Variants in KANSL1 observed in about 807,000 individuals in gnomAD.
KANSL1 encodes the protein KAT8 regulatory NSL complex subunit 1.
In KANSL1, 22 loss-of-function variants were observed where a neutral mutation model predicts 103.6. That is an observed-to-expected ratio of 0.21 (90% CI 0.15 to 0.30). KANSL1 has a LOEUF of 0.30. Ranked by LOEUF, KANSL1 falls within the 10% of genes least tolerant of loss-of-function variation. KANSL1 has a pLI of 1.00. For synonymous variants in KANSL1, 600 were observed against 527.6 expected, an observed-to-expected ratio of 1.14 and a Z score of -1.88; for missense variants, 1,337 against 1,399.8, an observed-to-expected ratio of 0.96 and a Z score of 0.72.
chr17:46,164,941 A>G (rs1262574126), intron 2 of KANSL1, among the ~76,000 whole-genome samples: 2 of 152,182 alleles, frequency 1.3e-5, no homozygotes, highest in African/African-American at 4.8e-5. Context: ...TTATGAAATG[A>G]TAAAGAGTAG....
At chr17:46,180,648 T>C (rs1182538824) in intron 1 of KANSL1, among the ~76,000 whole-genome samples, 1 of 152,182 alleles carries the variant, frequency 6.6e-6, no homozygotes, top group Non-Finnish European at 1.5e-5. Context: ...ATTGAGCCAC[T>C]GCATTTCAGC....
chr17:46,180,076 A>T (rs2046712033), intron 1 of KANSL1, among the ~76,000 whole-genome samples: 1 of 152,052 alleles, frequency 6.6e-6, no homozygotes, highest in Non-Finnish European at 1.5e-5. Flanking sequence ...AAAAAAAAAA[A>T]AAATTAACAA....
At chr17:46,049,088 A>G (rs1044858660) in intron 7 of KANSL1, among the ~76,000 whole-genome samples, 8 of 148,736 alleles carry the variant, frequency 5.4e-5, no homozygotes, top group African/African-American at 1.8e-4. Context: ...GGAGAATTCT[A>G]AGAGAAGACT....
At chr17:46,193,610 C>T (rs1286017769), upstream of KANSL1, 1 of 279,316 alleles carries the variant, frequency 3.6e-6, no homozygotes, top group Non-Finnish European at 7.5e-6. Context: ...AGTCATGGCT[C>T]CTCGCCGTGG....
intron 2 of KANSL1, among the ~76,000 whole-genome samples, chr17:46,098,842 C>T (rs2042187448): frequency 6.6e-6 from 1 of 152,170 alleles, no homozygotes; most frequent in Admixed American, 6.5e-5. Context: ...ACAACTCAAG[C>T]GTCCAAGAAG....
intron 6 of KANSL1, among the ~76,000 whole-genome samples, chr17:46,058,707 T>TAA (rs1568398332): frequency 7.5e-6 from 1 of 133,924 alleles, no homozygotes; most frequent in East Asian, 2.3e-4. Flanking sequence ...AAGCCAGATT[T>TAA]AAAACACACA....
chr17:46,210,499 A>G (rs75126819), intron 1 of KANSL1, among the ~76,000 whole-genome samples: 42 of 79,770 alleles, frequency 5.3e-4, no homozygotes, highest in Middle Eastern at 5.2e-3. Flanking sequence ...AAAAAAAAAA[A>G]AAAGACCTGA....
chr17:46,090,641 T>C (rs2079347563), intron 3 of KANSL1, among the ~76,000 whole-genome samples: 1 of 152,244 alleles, frequency 6.6e-6, no homozygotes, highest in Non-Finnish European at 1.5e-5. Flanking sequence ...CCAAGTATGG[T>C]GCTTAATACA....
intron 3 of KANSL1, 126 bp from the exon 4 acceptor site, chr17:46,082,668 G>T (rs868059873): frequency 1.4e-5 from 7 of 493,818 alleles, no homozygotes; most frequent in Middle Eastern, 7.7e-4. Context: ...CTATGGTTCA[G>T]AAACAAACTA....
At chr17:46,126,568 T>C (rs1349296622) in intron 2 of KANSL1, among the ~76,000 whole-genome samples, 1 of 152,252 alleles carries the variant, frequency 6.6e-6, no homozygotes, top group Non-Finnish European at 1.5e-5. Context: ...TGGAATATTT[T>C]GGCAAATAAA....
intron 2 of KANSL1, among the ~76,000 whole-genome samples, chr17:46,098,088 G>A (rs1016996048): frequency 6.7e-6 from 1 of 149,694 alleles, no homozygotes; most frequent in Non-Finnish European, 1.5e-5. Context: ...TTGGCTGCAG[G>A]TCTAGCTCTA....
intron 3 of KANSL1, among the ~76,000 whole-genome samples, chr17:46,092,266 A>G (rs2079425882): frequency 1.3e-5 from 2 of 152,246 alleles, no homozygotes; most frequent in Non-Finnish European, 2.9e-5. Context: ...TTTTCCAGAT[A>G]TTTAGAAATA....
intron 13 of KANSL1, 23 bp downstream of exon 13, chr17:46,033,057 G>C (rs746400234): frequency 1.4e-5 from 21 of 1,540,754 alleles, no homozygotes; most frequent in Non-Finnish European, 1.8e-5. Context: ...ACAGGCCCTG[G>C]GGACCCAAGC....
intron 1 of KANSL1, among the ~76,000 whole-genome samples, chr17:46,202,286 A>G (rs1220868825): frequency 1.3e-5 from 2 of 152,260 alleles, no homozygotes; most frequent in Non-Finnish European, 2.9e-5. Flanking sequence ...AAGATAGTAC[A>G]TTATGTACAT....
chr17:46,103,086 T>C (rs2042389646), intron 2 of KANSL1, among the ~76,000 whole-genome samples: 1 of 152,168 alleles, frequency 6.6e-6, no homozygotes, highest in South Asian at 2.1e-4. Flanking sequence ...ACTCCAACAG[T>C]GAACAACGAA....
intron 2 of KANSL1, among the ~76,000 whole-genome samples, chr17:46,153,998 AC>A (rs1367756572): frequency 6.6e-6 from 1 of 151,996 alleles, no homozygotes; most frequent in Admixed American, 6.6e-5. Context: ...ACTCAACTAT[AC>A]CCCCCTCTAA....
chr17:46,213,268 G>A (rs2148031681), intron 1 of KANSL1, among the ~76,000 whole-genome samples: 1 of 152,242 alleles, frequency 6.6e-6, no homozygotes, highest in South Asian at 2.1e-4. Context: ...AGGCAAGGGG[G>A]ACAAGCGTTT....
Position 46,171,076 on chromosome 17 carries a change from T to C in KANSL1, c.1068A>G (p.Lys356=). The C allele has an allele frequency of 6.2e-7, 1 of 1,614,178 alleles. No homozygotes were observed. The highest frequency in any genetic ancestry group is 8.5e-7 in the Non-Finnish European group (1 of 1,180,046). ...LTRKAEAALR[K]AASETTTSEG... is the part of the protein sequence containing the mutation. The stretch of plus-strand genomic sequence containing the variant: ...CTGAAGTGGTGGTCTCACTGGCAGC[T>C]TTTCTCAAGGCAGCTTCAGCCTTTC... The change falls in exon 2 of 15, where the codon AAA becomes AAG. Residue 356 remains lysine, a synonymous_variant. Transcript: ENST00000432791.
chr17:46,185,395 A>G (rs1400997544), intron 1 of KANSL1, among the ~76,000 whole-genome samples: 1 of 152,238 alleles, frequency 6.6e-6, no homozygotes, highest in Non-Finnish European at 1.5e-5. Flanking sequence ...CTGTACCCAG[A>G]CTAGGAAACT....
Sources: gnomAD v4.1 joint callset for allele counts (sites outside exome capture counted in the v4.1 genomes callset) on GRCh38, gnomAD v4.1.1 for gene constraint, MANE v1.5 for transcripts, NCBI Gene and HGNC (gene_info 2026-07-23, HGNC 2026-07-21) for gene names.